Variants in INPP4B observed in about 807,000 individuals in gnomAD.
INPP4B encodes inositol polyphosphate-4-phosphatase type II B, also known as inositol polyphosphate 4-phosphatase type II.
INPP4B carries 55 observed loss-of-function variants against 122.5 expected under a neutral mutation model. The observed-to-expected ratio is 0.45, with a 90% confidence interval of 0.36 to 0.56. INPP4B has a LOEUF of 0.56. Among genes scored for constraint, INPP4B ranks in the 20% least tolerant of loss-of-function variants. INPP4B has a pLI of 0.00. For missense variants in INPP4B, 1,000 were observed against 1,097.7 expected, an observed-to-expected ratio of 0.91 and a Z score of 1.26; for synonymous variants, 403 against 388.7, an observed-to-expected ratio of 1.04 and a Z score of -0.43.
At chr4:142,366,813 T>C (rs1408717544) in intron 7 of INPP4B, among the ~76,000 whole-genome samples, 3 of 152,114 alleles carry the variant, frequency 2.0e-5, no homozygotes, top group Admixed American at 6.6e-5. Flanking sequence ...AACAAACCAA[T>C]ATATTCACTG....
At chr4:142,376,961 C>T (rs572790988) in intron 7 of INPP4B, among the ~76,000 whole-genome samples, 9 of 152,056 alleles carry the variant, frequency 5.9e-5, no homozygotes, top group Admixed American at 2.0e-4. Context: ...TGTCACAAAT[C>T]GAGTTAACAC....
intron 2 of INPP4B, among the ~76,000 whole-genome samples, chr4:142,689,009 C>T (rs1759768422): frequency 6.6e-6 from 1 of 152,062 alleles, no homozygotes; most frequent in Non-Finnish European, 1.5e-5. Context: ...ACCAATAGCG[C>T]TCCCCATTTT....
chr4:142,065,430 A>G (rs1763023830), intron 25 of INPP4B, among the ~76,000 whole-genome samples: 1 of 152,162 alleles, frequency 6.6e-6, no homozygotes. Context: ...ACACATATGC[A>G]CATATGCCCC....
intron 1 of INPP4B, among the ~76,000 whole-genome samples, chr4:142,757,534 C>T (rs749714408): frequency 6.6e-6 from 1 of 152,124 alleles, no homozygotes; most frequent in Non-Finnish European, 1.5e-5. Context: ...AATCATACAG[C>T]ATATAACCTT....
At chr4:142,035,352 A>G (rs1485203418) in intron 25 of INPP4B, among the ~76,000 whole-genome samples, 1 of 152,212 alleles carries the variant, frequency 6.6e-6, no homozygotes, top group East Asian at 1.9e-4. Context: ...AAAGTCCCAG[A>G]GGTGGGTTGG....
At chr4:142,550,234 G>A (rs1210063105) in intron 2 of INPP4B, among the ~76,000 whole-genome samples, 1 of 152,108 alleles carries the variant, frequency 6.6e-6, no homozygotes, top group Non-Finnish European at 1.5e-5. Flanking sequence ...GGGCACAGGA[G>A]ATTCTATTGT....
At chr4:142,307,060 C>A (rs1405486716) in intron 8 of INPP4B, among the ~76,000 whole-genome samples, 2 of 152,000 alleles carry the variant, frequency 1.3e-5, no homozygotes, top group African/African-American at 4.8e-5. Context: ...GAACATTAGG[C>A]AAAAAATAGA....
At chr4:142,236,961 G>C (rs1245895768) in intron 12 of INPP4B, among the ~76,000 whole-genome samples, 1 of 152,138 alleles carries the variant, frequency 6.6e-6, no homozygotes. Flanking sequence ...AACCTTAACA[G>C]TATTTTATAT....
At chr4:142,134,185 G>A (rs906309038) in intron 18 of INPP4B, among the ~76,000 whole-genome samples, 11 of 152,104 alleles carry the variant, frequency 7.2e-5, no homozygotes, top group South Asian at 2.1e-4. Flanking sequence ...CTTTAAAAAC[G>A]TGGCATCCTT....
intron 15 of INPP4B, among the ~76,000 whole-genome samples, chr4:142,192,463 T>C (rs1355294599): frequency 2.0e-5 from 3 of 151,510 alleles, no homozygotes; most frequent in Non-Finnish European, 4.4e-5. Flanking sequence ...GAGAATATTA[T>C]AGGATAACCC....
chr4:142,656,114 G>A (rs1754081756), intron 2 of INPP4B, among the ~76,000 whole-genome samples: 1 of 152,178 alleles, frequency 6.6e-6, no homozygotes, highest in South Asian at 2.1e-4. Flanking sequence ...ACCATTTGCA[G>A]CAGGGAGGAG....
intron 2 of INPP4B, among the ~76,000 whole-genome samples, chr4:142,566,742 C>A (rs1333758874): frequency 6.6e-6 from 1 of 152,054 alleles, no homozygotes; most frequent in African/African-American, 2.4e-5. Context: ...TTCTTTGGCC[C>A]ATATAATGTT....
chr4:142,577,577 T>C (rs983193576), intron 2 of INPP4B, among the ~76,000 whole-genome samples: 2 of 152,018 alleles, frequency 1.3e-5, no homozygotes, highest in African/African-American at 4.8e-5. Context: ...CATTTTGCTA[T>C]ATGAAAGTCA....
rs563856420 is a variant in INPP4B, at chr4:142,733,073, A to AT, written c.-253-7173_-253-7172insA. ...GTTTGACAATGTAGAACAGTAGAGA[A>AT]GGGGCAATTTCTTTACTAAATGGTG... On this transcript the variant is annotated intron_variant, in intron 1 of 25. Coordinates refer to ENST00000262992, the MANE Select transcript of INPP4B (RefSeq NM_001101669.3). Among the ~76,000 whole-genome samples, 164 of 152,296 alleles carry AT rather than the reference A, an allele frequency of 1.1e-3. 2 individuals carry two copies. The highest frequency in any genetic ancestry group is 3.8e-3 in the African/African-American group (159 of 41,588).
intron 25 of INPP4B, among the ~76,000 whole-genome samples, chr4:142,047,228 G>GTGTT (rs1752030518): frequency 6.6e-6 from 1 of 151,582 alleles, no homozygotes; most frequent in South Asian, 2.1e-4. Context: ...GAAATAAAGA[G>GTGTT]TGTTTCAGTA....
intron 1 of INPP4B, among the ~76,000 whole-genome samples, chr4:142,810,188 C>G (rs929708395): frequency 7.3e-6 from 1 of 137,272 alleles, no homozygotes; most frequent in African/African-American, 2.9e-5. Flanking sequence ...AAAAAAAAAT[C>G]AAATTGTAAA....
intron 7 of INPP4B, among the ~76,000 whole-genome samples, chr4:142,398,440 ATAT>A (rs1388173720): frequency 6.7e-4 from 70 of 104,470 alleles, no homozygotes; most frequent in Middle Eastern, 4.7e-3. Flanking sequence ...ATATATATAT[ATAT>A]ATAAAACATA....
chr4:142,720,735 T>TATATGTATATATACATATATATATAA (rs1764443265), intron 2 of INPP4B, among the ~76,000 whole-genome samples: 1 of 90,716 alleles, frequency 1.1e-5, no homozygotes, highest in African/African-American at 4.6e-5. Context: ...TATATACATA[T>TATATGTATATATACATATATATATAA]ATATATATAT....
intron 24 of INPP4B, 70 bp from the exon 25 acceptor site, chr4:142,082,255 C>A (rs1280558314): frequency 7.9e-7 from 1 of 1,273,214 alleles, no homozygotes; most frequent in Non-Finnish European, 1.1e-6. Context: ...CTCCTCCAAA[C>A]ACTTCTAGTC....
Sources: gnomAD v4.1 joint callset for allele counts (sites outside exome capture counted in the v4.1 genomes callset) on GRCh38, gnomAD v4.1.1 for gene constraint, MANE v1.5 for transcripts, NCBI Gene and HGNC (gene_info 2026-07-23, HGNC 2026-07-21) for gene names.